The following CEP57 variants were observed in gnomAD, a reference collection of about 807,000 sequenced individuals.
CEP57 encodes the protein centrosomal protein of 57 kDa.
Under a neutral mutation model 68.0 loss-of-function variants are expected in CEP57, and 40 were observed. That is an observed-to-expected ratio of 0.59 (90% CI 0.46 to 0.77). The LOEUF (loss-of-function observed/expected upper bound fraction) is 0.77. Among genes scored for constraint, CEP57 ranks in the 30% least tolerant of loss-of-function variants. The pLI, the probability that CEP57 is intolerant of heterozygous loss-of-function variation, is 0.00. For missense variants in CEP57, 606 were observed against 580.7 expected, an observed-to-expected ratio of 1.04 and a Z score of -0.45; for synonymous variants, 219 against 198.7, an observed-to-expected ratio of 1.10 and a Z score of -0.86.
At chr11:95,800,807 T>A (rs1861545253) in intron 2 of CEP57, among the ~76,000 whole-genome samples, 1 of 152,214 alleles carries the variant, frequency 6.6e-6, no homozygotes, top group East Asian at 1.9e-4. Flanking sequence ...GAAAAGATGG[T>A]TTTGATATTG....
intron 1 of CEP57, among the ~76,000 whole-genome samples, chr11:95,791,032 A>G (rs939743106): frequency 1.3e-5 from 2 of 152,308 alleles, no homozygotes; most frequent in African/African-American, 2.4e-5. Flanking sequence ...GCCGGCTGGG[A>G]TAACTGCCCA....
chr11:95,822,126 T>C, intron 7 of CEP57, 148 bp downstream of exon 7: 1 of 664,344 alleles, frequency 1.5e-6, no homozygotes, highest in South Asian at 1.7e-5. Context: ...AGATAAGTAA[T>C]ACCTACTCCT....
chr11:95,804,577 C>A (rs1861712909), intron 2 of CEP57, among the ~76,000 whole-genome samples: 1 of 152,142 alleles, frequency 6.6e-6, no homozygotes, highest in African/African-American at 2.4e-5. Context: ...AACACTGCGG[C>A]CCGTGGTCTC....
chr11:95,811,553 C>T (rs1003338082), intron 2 of CEP57, among the ~76,000 whole-genome samples: 1 of 148,940 alleles, frequency 6.7e-6, no homozygotes, highest in African/African-American at 2.5e-5. Flanking sequence ...ACGTTGAGCA[C>T]ATGTACCCTA....
At chr11:95,830,722 C>T (rs958000035) in intron 10 of CEP57, among the ~76,000 whole-genome samples, 1 of 151,932 alleles carries the variant, frequency 6.6e-6, no homozygotes, top group African/African-American at 2.4e-5. Context: ...GTTTCTCACT[C>T]GCCCTGTTCT....
At chr11:95,807,916 G>A in intron 2 of CEP57, among the ~76,000 whole-genome samples, 1 of 152,124 alleles carries the variant, frequency 6.6e-6, no homozygotes, top group East Asian at 1.9e-4. Flanking sequence ...ACACATAATT[G>A]TCAGATTCAC....
At chr11:95,821,184 A>G (rs954513051) in intron 6 of CEP57, among the ~76,000 whole-genome samples, 1 of 152,204 alleles carries the variant, frequency 6.6e-6, no homozygotes, top group Non-Finnish European at 1.5e-5. Flanking sequence ...AACAAACACT[A>G]TTCCAGACAG....
Position 95,832,045 on chromosome 11 carries a change from G to C in CEP57, c.*789G>C, listed in dbSNP as rs1456172184. 6.6e-6 allele frequency: 1 copy of C among 152,028 alleles called. No homozygotes were observed. Among genetic ancestry groups the C allele is most frequent in the African/African-American group, 2.4e-5 (1 of 41,390 alleles). 9.4% of individuals were successfully genotyped at this position (152,028 alleles called of 1,614,324 possible). On this transcript the variant is annotated 3_prime_UTR_variant, in exon 11 of 11. Coordinates refer to ENST00000325542, the MANE Select transcript of CEP57 (RefSeq NM_014679.5). ...TTTGTAATCATGATATTCAGTCAAG[G>C]CATTATGGTTTTTAATCTTGAAACT...
In CEP57 at chr11:95,791,273, C is replaced by T. The variant is rs551380225; in HGVS notation, c.45+530C>T. Among the ~76,000 whole-genome samples the T allele has an allele frequency of 2.4e-4, 36 of 152,284 alleles. No individual in the cohort carries two copies. In the South Asian group the frequency reaches 7.3e-3, roughly 31 times the overall value. On this transcript the variant is annotated intron_variant, in intron 1 of 10. Coordinates refer to ENST00000325542, the MANE Select transcript of CEP57 (RefSeq NM_014679.5). ...TTGTGTGATGCTCGTAGCCAGAACGCGCGCTTCCTGTCACCTAGAATTACT... is the reference window on the plus strand; with the variant it reads ...TTGTGTGATGCTCGTAGCCAGAACGTGCGCTTCCTGTCACCTAGAATTACT...
rs757876471 is a variant in CEP57, at chr11:95,813,569, A to G, written c.484A>G (p.Thr162Ala). 6.2e-7 allele frequency: 1 copy of G among 1,613,180 alleles called. No homozygotes were observed. The highest frequency in any genetic ancestry group is 1.1e-5 in the South Asian group (1 of 91,080). ...NMIKHAEMER[T>A]SVLEKQVSLE... ...GATAAAGCATGCCGAAATGGAGAGG[A>G]CATCTGTCTTAGAGAAACAAGTAAG... The change falls in exon 4 of 11, where the codon ACA becomes GCA. Residue 162 changes from threonine (T) to alanine (A), a missense_variant. Coordinates refer to ENST00000325542, the MANE Select transcript of CEP57 (RefSeq NM_014679.5).
At chr11:95,828,806 T>TA (rs1327501001) in intron 9 of CEP57, among the ~76,000 whole-genome samples, 2 of 152,146 alleles carry the variant, frequency 1.3e-5, no homozygotes, top group African/African-American at 4.8e-5. Context: ...CTCACACCTG[T>TA]AATCCCAGCA....
Position 95,813,609 on chromosome 11 carries a change from G to C in CEP57, c.504+20G>C. 1 of 1,611,642 alleles carries C rather than the reference G, an allele frequency of 6.2e-7. No homozygotes were observed. Among genetic ancestry groups the C allele is most frequent in the Non-Finnish European group, 8.5e-7 (1 of 1,179,698 alleles). Reference sequence around the variant, plus strand: ...AAACAAGTAAGTAAAGCACCTCACAGATTGATACTCAAGAACAGTTATGGG... The same window carrying C: ...AAACAAGTAAGTAAAGCACCTCACACATTGATACTCAAGAACAGTTATGGG... On this transcript the variant is annotated intron_variant, in intron 4 of 10. Transcript: ENST00000325542.
intron 2 of CEP57, among the ~76,000 whole-genome samples, chr11:95,807,773 G>A (rs1365553562): frequency 1.3e-5 from 2 of 152,178 alleles, no homozygotes; most frequent in Non-Finnish European, 2.9e-5. Context: ...GGGGAGAATG[G>A]AACCAAGTTG....
chr11:95,813,596 A>G lies in CEP57; in HGVS notation c.504+7A>G. The G allele has an allele frequency of 6.2e-7, 1 of 1,612,418 alleles. No homozygotes were observed. Among genetic ancestry groups the G allele is most frequent in the Non-Finnish European group, 8.5e-7 (1 of 1,179,840 alleles). ...ATCTGTCTTAGAGAAACAAGTAAGT[A>G]AAGCACCTCACAGATTGATACTCAA... On this transcript the variant is annotated splice_region_variant and intron_variant, in intron 4 of 10. Coordinates refer to ENST00000325542, the MANE Select transcript of CEP57 (RefSeq NM_014679.5).
rs147322386 is a variant in CEP57, at chr11:95,827,916, G to A, written c.1016G>A (p.Arg339Gln). The change falls in exon 9 of 11, where the codon CGA (arginine) becomes CAA (glutamine). Residue 339 changes from arginine (R) to glutamine (Q), a missense_variant. Transcript: ENST00000325542. Reference sequence around the variant, plus strand: ...CCTTTGGCAAAGCAAGTATCTTCACGAGGTGGTAAAAGTAAGAAGTTGTCA... The same window carrying A: ...CCTTTGGCAAAGCAAGTATCTTCACAAGGTGGTAAAAGTAAGAAGTTGTCA... Reference protein sequence around the residue: ...SIPLAKQVSSRGGKSKKLSVT... With the variant: ...SIPLAKQVSSQGGKSKKLSVT... The A allele has an allele frequency of 3.7e-6, 6 of 1,614,108 alleles. No individual in the cohort carries two copies. The highest frequency in any genetic ancestry group is 3.3e-5 in the South Asian group (3 of 91,076).
At chr11:95,814,747 C>G (rs905797116) in intron 4 of CEP57, among the ~76,000 whole-genome samples, 2 of 152,014 alleles carry the variant, frequency 1.3e-5, no homozygotes, top group Non-Finnish European at 2.9e-5. Context: ...CATCTTAACT[C>G]TATTATAAAA....
chr11:95,821,337 C>T (rs1422321719), intron 6 of CEP57, among the ~76,000 whole-genome samples: 1 of 152,148 alleles, frequency 6.6e-6, no homozygotes, highest in East Asian at 1.9e-4. Flanking sequence ...AGTATAGTTA[C>T]TCAGCTTCTA....
Position 95,818,843 on chromosome 11 carries a change from T to G in CEP57, c.638T>G (p.Leu213Trp). ...QALAEKKMQE[L>W]EAKLHEEEQE... is the part of the protein sequence containing the mutation. ...TATCACTAGAAAAAAATGCAAGAGT[T>G]GGAAGCAAAACTCCATGAAGAAGAA... The change falls in exon 6 of 11, where the codon TTG becomes TGG. Residue 213 changes from leucine (L) to tryptophan (W), a missense_variant. By Grantham distance (61) the Leu-to-Trp change is moderately conservative. Transcript: ENST00000325542. The G allele has an allele frequency of 6.2e-7, 1 of 1,614,016 alleles. No homozygotes were observed. Among genetic ancestry groups the G allele is most frequent in the Non-Finnish European group, 8.5e-7 (1 of 1,179,896 alleles).
chr11:95,828,719 T>C (rs1862864058), intron 9 of CEP57, among the ~76,000 whole-genome samples: 1 of 152,216 alleles, frequency 6.6e-6, no homozygotes, highest in African/African-American at 2.4e-5. Flanking sequence ...CTCTTGCATT[T>C]CCCTCTAGTG....
Sources: gnomAD v4.1 joint callset for allele counts (sites outside exome capture counted in the v4.1 genomes callset) on GRCh38, gnomAD v4.1.1 for gene constraint, MANE v1.5 for transcripts, NCBI Gene and HGNC (gene_info 2026-07-23, HGNC 2026-07-21) for gene names.